Variants in ITPK1 observed in about 807,000 individuals in gnomAD.
ITPK1 encodes the protein inositol 1,3,4-trisphosphate 5/6-kinase.
ITPK1 carries 21 observed loss-of-function variants against 45.3 expected under a neutral mutation model. The observed-to-expected ratio is 0.46, with a 90% CI of 0.33 to 0.67. The LOEUF (loss-of-function observed/expected upper bound fraction) is 0.67, where lower values mean the gene tolerates loss of function less well. Among genes scored for constraint, ITPK1 ranks in the 30% least tolerant of loss-of-function variants. The pLI, the probability that ITPK1 is intolerant of heterozygous loss-of-function variation, is 0.02. For missense variants in ITPK1, 474 were observed against 573.5 expected (o/e 0.83, Z 1.77); for synonymous variants, 258 against 253.6 (o/e 1.02, Z -0.16).
chr14:93,075,053 C>A (rs192592645), intron 3 of ITPK1, among the ~76,000 whole-genome samples: 3 of 152,166 alleles, frequency 2.0e-5, no homozygotes, highest in Admixed American at 2.0e-4. Flanking sequence ...AGGTTGGGCG[C>A]GGTGGCTCAC....
At chr14:93,003,727 A>G (rs1887469433) in intron 4 of ITPK1, among the ~76,000 whole-genome samples, 1 of 152,204 alleles carries the variant, frequency 6.6e-6, no homozygotes, top group Non-Finnish European at 1.5e-5. Context: ...CTGCCTGCCC[A>G]TCACTGTCAG....
At chr14:92,962,921 C>T (rs749847947) in intron 5 of ITPK1, 72 bp from the exon 6 acceptor site, 403 of 1,041,918 alleles carry the variant, frequency 3.9e-4, no homozygotes, top group Non-Finnish European at 5.2e-4. Context: ...TGTGACAGCC[C>T]GCCCCACCCC....
At chr14:93,019,318 C>A (rs1430889342) in intron 3 of ITPK1, among the ~76,000 whole-genome samples, 1 of 152,186 alleles carries the variant, frequency 6.6e-6, no homozygotes, top group Non-Finnish European at 1.5e-5. Context: ...AGGAGGTGAG[C>A]AGAGGGGACG....
intron 7 of ITPK1, among the ~76,000 whole-genome samples, chr14:92,962,039 C>T (rs750293540): frequency 6.6e-6 from 1 of 152,272 alleles, no homozygotes; most frequent in Non-Finnish European, 1.5e-5. Context: ...GTGGCGAAGC[C>T]ACCCAGTGCC....
chr14:93,115,374 G>C (rs1892906120), intron 1 of ITPK1, 69 bp from the exon 2 acceptor site: 1 of 188,902 alleles, frequency 5.3e-6, no homozygotes, highest in East Asian at 1.3e-4. Flanking sequence ...GCTCAGCGCG[G>C]AAGGCCACTG....
At chr14:93,075,053 C>T (rs192592645) in intron 3 of ITPK1, among the ~76,000 whole-genome samples, 3 of 152,166 alleles carry the variant, frequency 2.0e-5, no homozygotes, top group Non-Finnish European at 2.9e-5. Context: ...AGGTTGGGCG[C>T]GGTGGCTCAC....
At position 92,937,865 on chromosome 14, in the gene ITPK1, C is replaced by T. The variant is rs1176220091; in HGVS notation, c.*3696G>A. 2 of 153,496 alleles carry T rather than the reference C, an allele frequency of 1.3e-5. No individual in the cohort carries two copies. Among genetic ancestry groups the T allele is most frequent in the South Asian group, 2.0e-4 (1 of 4,888 alleles). 9.5% of individuals were successfully genotyped at this position (153,496 alleles called of 1,614,324 possible). A position where few individuals can be genotyped will look rare whatever the true frequency, so the allele number is the denominator to read the frequency against. ...GTGCTCCTTTAGGGCAGCCAGCACCCAGCTCAAGGTCTCTGAATCCAATGG... is the reference window on the plus strand; with the variant it reads ...GTGCTCCTTTAGGGCAGCCAGCACCTAGCTCAAGGTCTCTGAATCCAATGG... On this transcript the variant is annotated 3_prime_UTR_variant, in exon 11 of 11. Transcript: ENST00000267615.
intron 3 of ITPK1, among the ~76,000 whole-genome samples, chr14:93,045,899 T>A (rs187461013): frequency 9.8e-4 from 149 of 152,112 alleles, no homozygotes; most frequent in Admixed American, 3.2e-3. Flanking sequence ...CTTCAATCGC[T>A]CCCCAGTGCC....
intron 4 of ITPK1, among the ~76,000 whole-genome samples, chr14:92,999,247 G>A (rs376542142): frequency 7.2e-5 from 11 of 152,250 alleles, no homozygotes; most frequent in Admixed American, 4.6e-4. Context: ...GGCAGGTCTC[G>A]CAGCACCTTC....
rs1887218211 is a variant in ITPK1, at chr14:92,938,629, G to C, written c.*2932C>G. The C allele has an allele frequency of 6.2e-6, 6 of 961,932 alleles. No homozygotes were observed. In the South Asian group the frequency reaches 6.9e-5, roughly 11 times the overall value. 59.6% of individuals were successfully genotyped at this position (961,932 alleles called of 1,614,324 possible). ...ACAGGAAGCCCCATGGAACCTGCCA[G>C]GTTGCAGCTGGGTCCAATCCCGCCG... On this transcript the variant is annotated 3_prime_UTR_variant, in exon 11 of 11. Coordinates refer to ENST00000267615, the MANE Select transcript of ITPK1 (RefSeq NM_014216.6).
At chr14:93,106,277 A>C (rs1475419256) in intron 2 of ITPK1, among the ~76,000 whole-genome samples, 2 of 147,586 alleles carry the variant, frequency 1.4e-5, no homozygotes, top group African/African-American at 4.9e-5. Flanking sequence ...CCTGGCCCCG[A>C]GGGCATAACT....
intron 3 of ITPK1, among the ~76,000 whole-genome samples, chr14:93,048,902 T>A (rs1889895793): frequency 6.6e-6 from 1 of 152,038 alleles, no homozygotes; most frequent in African/African-American, 2.4e-5. Flanking sequence ...TGAGCCGAGG[T>A]CACACCACTG....
chr14:93,105,499 C>T (rs911344846), intron 2 of ITPK1, among the ~76,000 whole-genome samples: 1 of 150,458 alleles, frequency 6.6e-6, no homozygotes, highest in African/African-American at 2.4e-5. Context: ...TGTACTTCTC[C>T]CTTCTCCCCA....
At chr14:92,970,443 C>A (rs1013912149) in intron 5 of ITPK1, among the ~76,000 whole-genome samples, 4 of 152,184 alleles carry the variant, frequency 2.6e-5, no homozygotes, top group African/African-American at 7.2e-5. Context: ...CGCCCCTGCA[C>A]GTGGGAGACC....
intron 10 of ITPK1, among the ~76,000 whole-genome samples, chr14:92,943,489 CT>C (rs1887535234): frequency 6.6e-6 from 1 of 152,232 alleles, no homozygotes; most frequent in Non-Finnish European, 1.5e-5. Context: ...TGGGCTAGGC[CT>C]GGAGGGCAGG....
At chr14:93,089,278 G>T (rs992015458) in intron 2 of ITPK1, among the ~76,000 whole-genome samples, 1 of 152,178 alleles carries the variant, frequency 6.6e-6, no homozygotes, top group African/African-American at 2.4e-5. Flanking sequence ...GATGCTGTGG[G>T]GTAGACACGC....
In ITPK1 at chr14:92,954,101, G is replaced by A. The variant is rs111910429; in HGVS notation, c.671-2088C>T. ...GTAGAGACGGGGTTTTGCCATGTTGGTCAGGCTGGTCTTGAACTCCTGACC... is the reference window on the plus strand; with the variant it reads ...GTAGAGACGGGGTTTTGCCATGTTGATCAGGCTGGTCTTGAACTCCTGACC... On this transcript the variant is annotated intron_variant, in intron 8 of 10. Coordinates refer to ENST00000267615, the MANE Select transcript of ITPK1 (RefSeq NM_014216.6). 6.2e-3 allele frequency among the ~76,000 whole-genome samples: 949 copies of A among 152,244 alleles called. 2 individuals are homozygous for A. The highest frequency in any genetic ancestry group is 0.011 in the Non-Finnish European group (754 of 68,012).
At chr14:93,082,386 C>T (rs971671453) in intron 2 of ITPK1, among the ~76,000 whole-genome samples, 1 of 152,120 alleles carries the variant, frequency 6.6e-6, no homozygotes, top group Non-Finnish European at 1.5e-5. Context: ...AATTCGGGGG[C>T]GTAGGCAGGA....
At chr14:93,095,845 A>C (rs1892056844) in intron 2 of ITPK1, among the ~76,000 whole-genome samples, 1 of 152,006 alleles carries the variant, frequency 6.6e-6, no homozygotes, top group Non-Finnish European at 1.5e-5. Context: ...AGAACATGAA[A>C]CATTTGGTTT....
Sources: allele counts gnomAD v4.1 joint callset (sites outside exome capture counted in the v4.1 genomes callset), GRCh38; gene constraint gnomAD v4.1.1; transcripts MANE v1.5; gene names NCBI Gene and HGNC (gene_info 2026-07-23, HGNC 2026-07-21).